The following SLC44A5 variants were observed in gnomAD, a reference collection of about 807,000 sequenced individuals.
SLC44A5 encodes choline transporter-like protein 5.
SLC44A5 carries 57 observed loss-of-function variants against 101.8 expected under a neutral mutation model. The observed-to-expected ratio is 0.56, with a 90% CI of 0.45 to 0.70. SLC44A5 has a LOEUF of 0.70. Ranked by LOEUF, SLC44A5 falls within the 30% of genes least tolerant of loss-of-function variation. The pLI, the probability that SLC44A5 is intolerant of heterozygous loss-of-function variation, is 0.00. For synonymous variants in SLC44A5, 281 were observed against 290.9 expected (o/e 0.97, Z 0.35); for missense variants, 737 against 853.1 (o/e 0.86, Z 1.70).
the SLC44A5 span, among the ~76,000 whole-genome samples, chr1:75,680,232 GA>G: frequency 6.6e-6 from 1 of 151,624 alleles, no homozygotes; most frequent in South Asian, 2.1e-4. Flanking sequence ...GGATACCCAG[GA>G]ATTGAACTCA....
the SLC44A5 span, among the ~76,000 whole-genome samples, chr1:75,632,483 T>A: frequency 6.6e-6 from 1 of 152,148 alleles, no homozygotes; most frequent in Non-Finnish European, 1.5e-5. Context: ...GATGATCAGT[T>A]CCACACAGTT....
At chr1:75,635,725 T>A in the SLC44A5 span, among the ~76,000 whole-genome samples, 1 of 150,864 alleles carries the variant, frequency 6.6e-6, no homozygotes, top group Non-Finnish European at 1.5e-5. Flanking sequence ...AGTTAATGGG[T>A]GCATCACACC....
chr1:75,420,988 G>C (rs1361609270), intron 2 of SLC44A5, among the ~76,000 whole-genome samples: 3 of 151,900 alleles, frequency 2.0e-5, no homozygotes, highest in African/African-American at 7.2e-5. Context: ...AAAATAGCAA[G>C]CATTTAGACA....
upstream of SLC44A5, among the ~76,000 whole-genome samples, chr1:75,614,828 C>T (rs1444940419): frequency 6.6e-6 from 1 of 152,180 alleles, no homozygotes; most frequent in Admixed American, 6.5e-5. Context: ...GCACAGCCTT[C>T]CTCACCGCGC....
chr1:75,659,359 A>G, the SLC44A5 span, among the ~76,000 whole-genome samples: 3 of 146,660 alleles, frequency 2.0e-5, no homozygotes, highest in Admixed American at 2.1e-4. Context: ...AAAGAAAGAA[A>G]GAAGGAAAGA....
intron 2 of SLC44A5, among the ~76,000 whole-genome samples, chr1:75,412,305 G>C (rs762846854): frequency 3.9e-5 from 6 of 152,084 alleles, no homozygotes; most frequent in Non-Finnish European, 8.8e-5. Flanking sequence ...GTGATTTGGT[G>C]GCGGGAGATA....
At chr1:75,330,196 C>T (rs1001293577) in intron 4 of SLC44A5, among the ~76,000 whole-genome samples, 1 of 137,138 alleles carries the variant, frequency 7.3e-6, no homozygotes, top group Non-Finnish European at 1.6e-5. Context: ...TACGTATATG[C>T]ATATATATAT....
intron 2 of SLC44A5, among the ~76,000 whole-genome samples, chr1:75,432,588 C>T (rs1664675507): frequency 6.6e-6 from 1 of 152,098 alleles, no homozygotes; most frequent in African/African-American, 2.4e-5. Context: ...TTATAATGGT[C>T]TACATGGCAA....
rs987746302 is a variant in SLC44A5, at chr1:75,309,787, T to C, written c.102-9102A>G. On this transcript the variant is annotated intron_variant, in intron 4 of 23. Coordinates refer to ENST00000370859, the MANE Select transcript of SLC44A5 (RefSeq NM_001130058.2). Reference sequence around the variant, plus strand: ...TATTATCTGAACATTAGACAATATTTTGTAGACATTTTAAAAAACACATAA... The same window carrying C: ...TATTATCTGAACATTAGACAATATTCTGTAGACATTTTAAAAAACACATAA... Among the ~76,000 whole-genome samples, 16 of 152,330 alleles carry C rather than the reference T, an allele frequency of 1.1e-4. No homozygotes were observed. In the South Asian group the frequency reaches 1.7e-3, roughly 16 times the overall value.
At chr1:75,424,050 G>C (rs1163756503) in intron 2 of SLC44A5, among the ~76,000 whole-genome samples, 1 of 152,094 alleles carries the variant, frequency 6.6e-6, no homozygotes, top group African/African-American at 2.4e-5. Flanking sequence ...CAAATATTTA[G>C]GACTACCTCA....
rs150584140 is a variant in SLC44A5, at chr1:75,464,648, A to C, written c.14-68027T>G. On this transcript the variant is annotated intron_variant, in intron 2 of 23. Coordinates refer to ENST00000370859, the MANE Select transcript of SLC44A5 (RefSeq NM_001130058.2). ...AAAGAAGTAATAACCTGTTGCCTACAAAAAATACACACATAAACTGAAAAT... is the reference window on the plus strand; with the variant it reads ...AAAGAAGTAATAACCTGTTGCCTACCAAAAATACACACATAAACTGAAAAT... 2.2e-3 allele frequency among the ~76,000 whole-genome samples: 336 copies of C among 152,212 alleles called. 2 individuals carry two copies. Among genetic ancestry groups the C allele is most frequent in the African/African-American group, 7.4e-3 (308 of 41,558 alleles).
chr1:75,612,833 G>A (rs2065480), upstream of SLC44A5, among the ~76,000 whole-genome samples: 84,969 of 151,416 alleles, frequency 0.56, 24,654 homozygotes, highest in East Asian at 0.92. Flanking sequence ...TGGGGGTGGT[G>A]ACGTGATTAT....
At chr1:75,383,125 T>C (rs1661017458) in intron 3 of SLC44A5, among the ~76,000 whole-genome samples, 1 of 36,500 alleles carries the variant, frequency 2.7e-5, no homozygotes, top group African/African-American at 1.1e-4. Flanking sequence ...AGCATTGAGA[T>C]GTTTATGTGT....
intron 3 of SLC44A5, among the ~76,000 whole-genome samples, chr1:75,346,946 A>G (rs1658296996): frequency 6.6e-6 from 1 of 152,212 alleles, no homozygotes; most frequent in Non-Finnish European, 1.5e-5. Context: ...CGCCCTAAAT[A>G]TAAAACAAGT....
At chr1:75,240,504 C>T (rs1648521396) in intron 9 of SLC44A5, among the ~76,000 whole-genome samples, 1 of 151,988 alleles carries the variant, frequency 6.6e-6, no homozygotes, top group Non-Finnish European at 1.5e-5. Context: ...ATGTCTTATA[C>T]CTTTATACCT....
chr1:75,672,076 C>T, the SLC44A5 span, among the ~76,000 whole-genome samples: 2 of 152,074 alleles, frequency 1.3e-5, no homozygotes, highest in Non-Finnish European at 2.9e-5. Context: ...TTCATAAGAA[C>T]CAAAATCAGG....
At chr1:75,521,907 C>G (rs903154958) in intron 2 of SLC44A5, 1 of 152,708 alleles carries the variant, frequency 6.5e-6, no homozygotes, top group Non-Finnish European at 1.5e-5. Flanking sequence ...CAGGGGCCCT[C>G]GTTTAGCCAG....
chr1:75,344,555 A>C (rs999963819), intron 3 of SLC44A5, among the ~76,000 whole-genome samples: 1 of 152,148 alleles, frequency 6.6e-6, no homozygotes, highest in African/African-American at 2.4e-5. Flanking sequence ...TATAGGGAAA[A>C]GGGAGGCAGA....
intron 7 of SLC44A5, among the ~76,000 whole-genome samples, chr1:75,246,709 A>G (rs138624689): frequency 6.6e-6 from 1 of 152,248 alleles, no homozygotes; most frequent in East Asian, 1.9e-4. Context: ...GTAGTCAAAG[A>G]AGCCTCACTA....
Sources: gnomAD v4.1 joint callset for allele counts (sites outside exome capture counted in the v4.1 genomes callset) on GRCh38, gnomAD v4.1.1 for gene constraint, MANE v1.5 for transcripts, NCBI Gene and HGNC (gene_info 2026-07-23, HGNC 2026-07-21) for gene names.